SEMA3C: variants seen among roughly 807,000 people sequenced by gnomAD.
The protein encoded by SEMA3C is semaphorin-3C.
A neutral mutation model predicts 89.4 loss-of-function variants in SEMA3C; 47 were observed. The observed-to-expected ratio is 0.53, with a 90% CI of 0.42 to 0.67. The LOEUF (loss-of-function observed/expected upper bound fraction) is 0.67, where lower values mean the gene tolerates loss of function less well. SEMA3C is among the 30% of genes least tolerant of loss of function. The probability of loss-of-function intolerance (pLI) is 0.00; values close to 1 mark genes in which losing one functional copy is unlikely to be tolerated. For missense variants in SEMA3C, 839 were observed against 929.1 expected (o/e 0.90, Z 1.26); for synonymous variants, 310 against 320.2 (o/e 0.97, Z 0.34).
chr7:80,792,085 C>A (rs73370898), intron 11 of SEMA3C, among the ~76,000 whole-genome samples: 1 of 152,090 alleles, frequency 6.6e-6, no homozygotes, highest in Non-Finnish European at 1.5e-5. Flanking sequence ...ATTCTTTATT[C>A]CATTAACTAG....
chr7:80,916,911 A>G (rs1334886346), intron 1 of SEMA3C, 92 bp from the exon 2 acceptor site: 1 of 1,018,914 alleles, frequency 9.8e-7, no homozygotes, highest in Non-Finnish European at 1.4e-6. Flanking sequence ...CCTATTCACA[A>G]AAGAACCATC....
chr7:80,889,674 G>A (rs1269864752), intron 2 of SEMA3C, among the ~76,000 whole-genome samples: 1 of 152,108 alleles, frequency 6.6e-6, no homozygotes, highest in East Asian at 1.9e-4. Context: ...TTTCAAGGCA[G>A]AGATGTGGTT....
intron 2 of SEMA3C, among the ~76,000 whole-genome samples, chr7:80,846,843 A>G (rs1790402762): frequency 1.3e-5 from 2 of 152,202 alleles, no homozygotes; most frequent in Admixed American, 1.3e-4. Context: ...ACATAAAGAA[A>G]CTACACTTAA....
chr7:80,750,679 G>C (rs550094043), intron 16 of SEMA3C, among the ~76,000 whole-genome samples: 1 of 151,918 alleles, frequency 6.6e-6, no homozygotes, highest in Non-Finnish European at 1.5e-5. Context: ...GAGGTATCTA[G>C]AGAAGTTGAA....
At chr7:80,905,883 C>T (rs1193371597) in intron 2 of SEMA3C, 9 of 1,289,582 alleles carry the variant, frequency 7.0e-6, no homozygotes, top group Non-Finnish European at 5.1e-6. Context: ...TTTGTACCCA[C>T]AGATGTAGCA....
intron 2 of SEMA3C, among the ~76,000 whole-genome samples, chr7:80,829,133 C>G (rs1055103478): frequency 6.6e-6 from 1 of 151,870 alleles, no homozygotes. Flanking sequence ...TGCTACTGCA[C>G]GCCAGCTCTG....
Position 80,750,457 on chromosome 7 carries a change from T to C in SEMA3C, c.1711+812A>G, listed in dbSNP as rs1249833302. ...GTACATATATATATATATATATATATATATATATATATATATACACACACA... is the reference window on the plus strand; with the variant it reads ...GTACATATATATATATATATATATACATATATATATATATATACACACACA... On this transcript the variant is annotated intron_variant, in intron 16 of 17. Transcript: ENST00000265361. Among the ~76,000 whole-genome samples, 13 of 66,696 alleles carry C rather than the reference T, an allele frequency of 1.9e-4. 1 individual carries two copies. The highest frequency in any genetic ancestry group is 6.1e-4 in the African/African-American group (11 of 18,062). 43.8% of individuals were successfully genotyped at this position (66,696 alleles called of 152,430 possible). A position where few individuals can be genotyped will look rare whatever the true frequency, so the allele number is the denominator to read the frequency against.
chr7:80,846,213 TG>T (rs558889505), intron 2 of SEMA3C, among the ~76,000 whole-genome samples: 11 of 152,158 alleles, frequency 7.2e-5, no homozygotes, highest in Non-Finnish European at 1.6e-4. Context: ...CTCAGCCTGA[TG>T]CCTGGTATTT....
At chr7:80,912,358 G>A (rs937826698) in intron 2 of SEMA3C, among the ~76,000 whole-genome samples, 1 of 151,990 alleles carries the variant, frequency 6.6e-6, no homozygotes, top group South Asian at 2.1e-4. Context: ...CATATTACAG[G>A]GGAAAATAGA....
rs111698477 is a variant in SEMA3C at position 80,840,184 on chromosome 7, CAG to C, written c.104-11441_104-11440del. Among the ~76,000 whole-genome samples the C allele has an allele frequency of 4.1e-4, 62 of 152,100 alleles. 1 individual carries two copies. The highest frequency in any genetic ancestry group is 1.4e-3 in the African/African-American group (58 of 41,514). On this transcript the variant is annotated intron_variant, in intron 2 of 17. Coordinates refer to ENST00000265361, the MANE Select transcript of SEMA3C (RefSeq NM_006379.5). ...ATAACACAGCAGGCTGTATACAAAA[CAG>C]AAATATTCTTTGAGACATATATTTA... is the stretch of plus-strand genomic sequence containing the variant.
intron 2 of SEMA3C, among the ~76,000 whole-genome samples, chr7:80,888,784 C>A (rs2116138033): frequency 6.6e-6 from 1 of 152,108 alleles, no homozygotes; most frequent in East Asian, 1.9e-4. Context: ...ATATTGAGTC[C>A]AACTAAGAAG....
At position 80,825,083 on chromosome 7, in the gene SEMA3C, A is replaced by C. The variant is rs147201148; in HGVS notation, c.327+2342T>G. On this transcript the variant is annotated intron_variant, in intron 4 of 17. Coordinates refer to ENST00000265361, the MANE Select transcript of SEMA3C (RefSeq NM_006379.5). Reference sequence around the variant, plus strand: ...ATAGTATTTATTCCAACTTTTAAGAAGTTCTTAAGTATGTCGTTTCATTGA... The same window carrying C: ...ATAGTATTTATTCCAACTTTTAAGACGTTCTTAAGTATGTCGTTTCATTGA... Among the ~76,000 whole-genome samples, 975 of 152,298 alleles carry C rather than the reference A, an allele frequency of 6.4e-3. 10 individuals are homozygous for C. Among genetic ancestry groups the C allele is most frequent in the African/African-American group, 0.021 (889 of 41,576 alleles).
chr7:80,780,111 T>C (rs777775197), intron 12 of SEMA3C, among the ~76,000 whole-genome samples: 1 of 152,180 alleles, frequency 6.6e-6, no homozygotes, highest in African/African-American at 2.4e-5. Flanking sequence ...ATAATAAATG[T>C]ATGTAGTCTT....
At chr7:80,800,214 T>C (rs1043982195) in intron 10 of SEMA3C, among the ~76,000 whole-genome samples, 14 of 150,510 alleles carry the variant, frequency 9.3e-5, no homozygotes, top group Non-Finnish European at 1.5e-4. Context: ...AGGTCCTAAA[T>C]AGTCATCACT....
In SEMA3C at chr7:80,900,068, T is replaced by C. The variant is rs12671203; in HGVS notation, c.103+16611A>G. Among the ~76,000 whole-genome samples the C allele has an allele frequency of 8.8e-4, 134 of 152,284 alleles. 1 individual carries two copies. In the East Asian group the frequency reaches 0.023, roughly 26 times the overall value. On this transcript the variant is annotated intron_variant, in intron 2 of 17. Coordinates refer to ENST00000265361, the MANE Select transcript of SEMA3C (RefSeq NM_006379.5). Reference sequence around the variant, plus strand: ...AGTGTACATTATACCCATTAATTCCTAGTCATCTTTTAATTTCCTCACTTT... The same window carrying C: ...AGTGTACATTATACCCATTAATTCCCAGTCATCTTTTAATTTCCTCACTTT...
chr7:80,878,670 T>C (rs528482583), intron 2 of SEMA3C, among the ~76,000 whole-genome samples: 329 of 152,116 alleles, frequency 2.2e-3, no homozygotes, highest in Non-Finnish European at 3.8e-3. Context: ...TTCAATTAGG[T>C]GTCCAGTACA....
intron 5 of SEMA3C, among the ~76,000 whole-genome samples, chr7:80,813,868 G>A (rs773228377): frequency 6.6e-5 from 10 of 151,664 alleles, no homozygotes; most frequent in Admixed American, 2.0e-4. Context: ...AGCGTCTAAC[G>A]TCAATTATTG....
At chr7:80,818,808 T>C (rs1476155282) in intron 4 of SEMA3C, among the ~76,000 whole-genome samples, 2 of 152,204 alleles carry the variant, frequency 1.3e-5, no homozygotes, top group African/African-American at 4.8e-5. Flanking sequence ...GGGGAACTAT[T>C]AGTATATTTG....
intron 2 of SEMA3C, among the ~76,000 whole-genome samples, chr7:80,880,475 TCTCA>T (rs1399221265): frequency 2.0e-5 from 3 of 152,244 alleles, no homozygotes; most frequent in Non-Finnish European, 4.4e-5. Flanking sequence ...CTGTGGTGAT[TCTCA>T]CTATGTTTAA....
Sources: gnomAD v4.1 joint callset for allele counts (sites outside exome capture counted in the v4.1 genomes callset) on GRCh38, gnomAD v4.1.1 for gene constraint, MANE v1.5 for transcripts, NCBI Gene and HGNC (gene_info 2026-07-23, HGNC 2026-07-21) for gene names.